The following FNDC5 variants were observed in gnomAD, a reference collection of about 807,000 sequenced individuals.
FNDC5 encodes fibronectin type III domain containing 5, also known as fibronectin type III domain-containing protein 5.
Under a neutral mutation model 24.6 loss-of-function variants are expected in FNDC5, and 10 were observed. The ratio of observed to expected loss-of-function variants is 0.41; its 90% confidence interval spans 0.25 to 0.69. The LOEUF (loss-of-function observed/expected upper bound fraction) is 0.69, where lower values mean the gene tolerates loss of function less well. Among genes scored for constraint, FNDC5 ranks in the 30% least tolerant of loss-of-function variants. The pLI is 0.34. For missense variants in FNDC5, 226 were observed against 282.9 expected (o/e 0.80, Z 1.44); for synonymous variants, 90 against 110.7 (o/e 0.81, Z 1.18).
chr1:32,864,125 A>G lies in FNDC5; in HGVS notation c.*169T>C, dbSNP rs564701915. On this transcript the variant is annotated 3_prime_UTR_variant, in exon 6 of 6. Coordinates refer to ENST00000373471, the MANE Select transcript of FNDC5 (RefSeq NM_153756.3). ...ATGGGAGTTAATAAGAGGCTTCAGG[A>G]AAGTGCGCCAGAGAGAGGACAGTAA... 16 of 1,530,006 alleles carry G rather than the reference A, an allele frequency of 1.0e-5. No homozygotes were observed. The African/African-American group carries it at 1.5e-4, about 15-fold the overall frequency. The allele number at this position is 1,530,006 out of a possible 1,614,324, so 94.8% of individuals were successfully genotyped here.
intron 4 of FNDC5, among the ~76,000 whole-genome samples, chr1:32,865,663 CA>C (rs1160892227): frequency 6.6e-6 from 1 of 151,912 alleles, no homozygotes; most frequent in Non-Finnish European, 1.5e-5. Context: ...GAAAAACAAA[CA>C]AAAAAACCTC....
rs1489104916 is a variant in FNDC5, at chr1:32,868,169, T to C, written c.409+21A>G. The stretch of plus-strand genomic sequence containing the variant: ...CACCCCTCACCCCACCCCATTCCTC[T>C]TAACAGTGACCCGGGCCTGCCTTTG... On this transcript the variant is annotated intron_variant, in intron 3 of 5. Coordinates refer to ENST00000373471, the MANE Select transcript of FNDC5 (RefSeq NM_153756.3). The surrounding 1 kb of genome is among the most constrained non-coding windows in gnomAD (Gnocchi z 4.8). 1.9e-6 allele frequency: 3 copies of C among 1,613,058 alleles called. No homozygotes were observed. Among genetic ancestry groups the C allele is most frequent in the Non-Finnish European group, 2.5e-6 (3 of 1,179,726 alleles).
At chr1:32,871,079 A>G (rs1334147704), upstream of FNDC5, 1 of 148,880 alleles carries the variant, frequency 6.7e-6, no homozygotes, top group Non-Finnish European at 1.5e-5. Context: ...GGCTTCGCGG[A>G]CCCACGGCTC....
intron 4 of FNDC5, among the ~76,000 whole-genome samples, chr1:32,865,547 G>C (rs1641055140): frequency 6.6e-6 from 1 of 151,962 alleles, no homozygotes; most frequent in Non-Finnish European, 1.5e-5. Context: ...CTACTCAGGA[G>C]GCTGAGGCAG....
rs559498677 is a variant in FNDC5 at position 32,863,236 on chromosome 1, A to G, written c.*1058T>C. ...AGCCTTCTGATTTTTGTTTTCCAAAAGAGACAAACCAGGTAACATCTTACA... is the reference window on the plus strand; with the variant it reads ...AGCCTTCTGATTTTTGTTTTCCAAAGGAGACAAACCAGGTAACATCTTACA... On this transcript the variant is annotated 3_prime_UTR_variant, in exon 6 of 6. Transcript: ENST00000373471. The G allele has an allele frequency of 6.4e-6, 1 of 155,872 alleles. No homozygotes were observed. Among genetic ancestry groups the G allele is most frequent in the African/African-American group, 2.4e-5 (1 of 41,616 alleles). The allele number at this position is 155,872 out of a possible 1,614,324, so 9.7% of individuals were successfully genotyped here. A position where few individuals can be genotyped will look rare whatever the true frequency, so the allele number is the denominator to read the frequency against.
chr1:32,866,445 A>G (rs1641072451), intron 4 of FNDC5, among the ~76,000 whole-genome samples: 2 of 151,946 alleles, frequency 1.3e-5, no homozygotes, highest in South Asian at 2.1e-4. Flanking sequence ...CCCACGTTCT[A>G]CCTTCTTTCT....
At chr1:32,870,133 G>A (rs891899629) in intron 1 of FNDC5, among the ~76,000 whole-genome samples, 1 of 152,050 alleles carries the variant, frequency 6.6e-6, no homozygotes, top group African/African-American at 2.4e-5. Context: ...AGGACGGGCC[G>A]GCCCCATGGG....
Position 32,870,655 on chromosome 1 carries a change from G to A in FNDC5, c.92C>T (p.Ala31Val). ...CCCCCCGCCCCGGGCCCCCTTACCCGCCTGCACCAGCGCGAAGCAGACGCA... is the reference window on the plus strand; with the variant it reads ...CCCCCCGCCCCGGGCCCCCTTACCCACCTGCACCAGCGCGAAGCAGACGCA... The change falls in exon 1 of 6, where the codon GCG (alanine) becomes GTG (valine). Residue 31 changes from alanine (A) to valine (V), a missense_variant and splice_region_variant. By Grantham distance (64) the Ala-to-Val change is moderately conservative. Transcript: ENST00000373471. 1.7e-6 allele frequency: 2 copies of A among 1,206,808 alleles called. No individual in the cohort carries two copies. Among genetic ancestry groups the A allele is most frequent in the Non-Finnish European group, 2.1e-6 (2 of 971,666 alleles). 74.8% of individuals were successfully genotyped at this position (1,206,808 alleles called of 1,614,324 possible).
In FNDC5 at chr1:32,868,454, A is replaced by G. The variant is rs993583717; in HGVS notation, c.211-66T>C. Reference sequence around the variant, plus strand: ...CCAGCCCCGCTCCTGCCCACCTCCCAGTGGTGACAAAGCCTTTACATACAC... The same window carrying G: ...CCAGCCCCGCTCCTGCCCACCTCCCGGTGGTGACAAAGCCTTTACATACAC... On this transcript the variant is annotated intron_variant, in intron 2 of 5. Transcript: ENST00000373471. This position sits in a 1 kb window ranked among gnomAD's most constrained non-coding sequence, Gnocchi z 4.8. The G allele has an allele frequency of 4.6e-6, 7 of 1,522,084 alleles. No individual in the cohort carries two copies. The African/African-American group carries it at 9.6e-5, about 21-fold the overall frequency. 94.3% of individuals were successfully genotyped at this position (1,522,084 alleles called of 1,614,324 possible). A position where few individuals can be genotyped will look rare whatever the true frequency, so the allele number is the denominator to read the frequency against.
rs1213077791 is a variant in FNDC5, at chr1:32,868,001, C to T, written c.410-159G>A. 6.6e-6 allele frequency among the ~76,000 whole-genome samples: 1 copy of T among 152,150 alleles called. No homozygotes were observed. Among genetic ancestry groups the T allele is most frequent in the African/African-American group, 2.4e-5 (1 of 41,428 alleles). ...GCTACTTGGGGTGGCAGTGATAGGACCAAGTCTAAAGGGAGTTTATATGCT... is the reference window on the plus strand; with the variant it reads ...GCTACTTGGGGTGGCAGTGATAGGATCAAGTCTAAAGGGAGTTTATATGCT... On this transcript the variant is annotated intron_variant, in intron 3 of 5. Transcript: ENST00000373471. This position sits in a 1 kb window ranked among gnomAD's most constrained non-coding sequence, Gnocchi z 4.8.
Position 32,868,816 on chromosome 1 carries a change from C to T in FNDC5, c.210+66G>A, listed in dbSNP as rs908604395. 6.4e-6 allele frequency: 7 copies of T among 1,088,454 alleles called. No homozygotes were observed. The highest frequency in any genetic ancestry group is 8.3e-6 in the Non-Finnish European group (7 of 843,596). 67.4% of individuals were successfully genotyped at this position (1,088,454 alleles called of 1,614,324 possible). A position where few individuals can be genotyped will look rare whatever the true frequency, so the allele number is the denominator to read the frequency against. On this transcript the variant is annotated intron_variant, in intron 2 of 5. Transcript: ENST00000373471. This position sits in a 1 kb window ranked among gnomAD's most constrained non-coding sequence, Gnocchi z 4.8. ...TTTCTCCATCACCACCACTGCCACA[C>T]TCCTACCCCCATCTGCCACTACTGT...
At chr1:32,869,975 G>A (rs1353311415) in intron 1 of FNDC5, among the ~76,000 whole-genome samples, 1 of 152,100 alleles carries the variant, frequency 6.6e-6, no homozygotes, top group Non-Finnish European at 1.5e-5. Flanking sequence ...ACAGACAGGT[G>A]GTGGCAGACA....
At chr1:32,864,474 C>G in intron 5 of FNDC5, 175 bp from the exon 6 acceptor site, 1 of 1,477,690 alleles carries the variant, frequency 6.8e-7, no homozygotes, top group Non-Finnish European at 8.9e-7. Context: ...CACCACTGGC[C>G]CCTGGCACCC....
At position 32,868,051 on chromosome 1, in the gene FNDC5, G is replaced by T. The variant is rs1641106577; in HGVS notation, c.409+139C>A. 2 of 1,130,900 alleles carry T rather than the reference G, an allele frequency of 1.8e-6. No homozygotes were observed. Among genetic ancestry groups the T allele is most frequent in the Non-Finnish European group, 2.6e-6 (2 of 774,540 alleles). The allele number at this position is 1,130,900 out of a possible 1,614,324, so 70.1% of individuals were successfully genotyped here. On this transcript the variant is annotated intron_variant, in intron 3 of 5. Coordinates refer to ENST00000373471, the MANE Select transcript of FNDC5 (RefSeq NM_153756.3). This position sits in a 1 kb window ranked among gnomAD's most constrained non-coding sequence, Gnocchi z 4.8. ...TCAGCGTCTTGTCAGGGACTAGCGT[G>T]AACCCTCTCTCAGGTACTGCTTTAC...
rs749367886 is a variant in FNDC5, at chr1:32,867,835, T to TA, written c.416dup (p.Thr140AsnfsTer38). 1 of 1,614,016 alleles carries TA rather than the reference T, an allele frequency of 6.2e-7. No individual in the cohort carries two copies. Among genetic ancestry groups the TA allele is most frequent in the East Asian group, 2.2e-5 (1 of 44,874 alleles). On this transcript the variant is annotated frameshift_variant, in exon 4 of 6. Coordinates refer to ENST00000373471, the MANE Select transcript of FNDC5 (RefSeq NM_153756.3). LOFTEE classifies it high-confidence loss of function. ...GGTTCCTCCCCATCTCTTTCATGGT[T>TA]ACCTCATCTGCAGGGAGAGAGACAC...
At chr1:32,864,485 T>G (rs1227362122) in intron 5 of FNDC5, 179 bp downstream of exon 5, 8 of 1,476,614 alleles carry the variant, frequency 5.4e-6, no homozygotes, top group Non-Finnish European at 7.2e-6. Context: ...CCTGGCACCC[T>G]GCAAAAGGAG....
chr1:32,865,032 T>C (rs1426689895), intron 4 of FNDC5, among the ~76,000 whole-genome samples: 3 of 152,136 alleles, frequency 2.0e-5, no homozygotes, highest in Non-Finnish European at 4.4e-5. Context: ...CCTCCTCTCC[T>C]TTCCTTTAAA....
chr1:32,869,673 G>A (rs1039195560), intron 1 of FNDC5, among the ~76,000 whole-genome samples: 1 of 152,186 alleles, frequency 6.6e-6, no homozygotes, highest in Non-Finnish European at 1.5e-5. Context: ...GTGGAGAGGA[G>A]AGAACAGGTA....
Position 32,868,800 on chromosome 1 carries a change from C to T in FNDC5, c.210+82G>A, listed in dbSNP as rs1379175807. 7.3e-6 allele frequency: 7 copies of T among 954,788 alleles called. No homozygotes were observed. The highest frequency in any genetic ancestry group is 9.7e-6 in the Non-Finnish European group (7 of 719,422). The allele number at this position is 954,788 out of a possible 1,614,324, so 59.1% of individuals were successfully genotyped here. ...TCCTATTTCCTTTCTATTTCTCCAT[C>T]ACCACCACTGCCACACTCCTACCCC... On this transcript the variant is annotated intron_variant, in intron 2 of 5. Transcript: ENST00000373471. The surrounding 1 kb of genome is among the most constrained non-coding windows in gnomAD (Gnocchi z 4.8).
Sources: allele counts gnomAD v4.1 joint callset (sites outside exome capture counted in the v4.1 genomes callset), GRCh38; gene constraint gnomAD v4.1.1; non-coding constraint Gnocchi (gnomAD v3.1); transcripts MANE v1.5; gene names NCBI Gene and HGNC (gene_info 2026-07-23, HGNC 2026-07-21).